FAM131B: variants seen among roughly 807,000 people sequenced by gnomAD.
FAM131B encodes family with sequence similarity 131 member B, also known as protein FAM131B.
A neutral mutation model predicts 42.0 loss-of-function variants in FAM131B; 19 were observed. That is an observed-to-expected ratio of 0.45 (90% CI 0.32 to 0.66). FAM131B has a LOEUF of 0.66. Ranked by LOEUF, FAM131B falls within the 30% of genes least tolerant of loss-of-function variation. The pLI, the probability that FAM131B is intolerant of heterozygous loss-of-function variation, is 0.05. For missense variants in FAM131B, 370 were observed against 468.4 expected (o/e 0.79, Z 1.94); for synonymous variants, 183 against 177.6 (o/e 1.03, Z -0.24).
At chr7:143,363,209 T>A (rs1197748489), upstream of FAM131B, among the ~76,000 whole-genome samples, 1 of 152,176 alleles carries the variant, frequency 6.6e-6, no homozygotes, top group Non-Finnish European at 1.5e-5. Context: ...TGGACACAGC[T>A]TTGGGCTCTG....
chr7:143,370,668 G>A, the FAM131B span, among the ~76,000 whole-genome samples: 96 of 152,170 alleles, frequency 6.3e-4, no homozygotes, highest in African/African-American at 2.2e-3. Flanking sequence ...TCTAAAATGG[G>A]GAGGTATGAA....
At chr7:143,371,528 T>C in the FAM131B span, among the ~76,000 whole-genome samples, 3 of 146,198 alleles carry the variant, frequency 2.1e-5, no homozygotes, top group Non-Finnish European at 3.0e-5. Flanking sequence ...ATGAGAGGAT[T>C]GCTTGGGCCT....
Position 143,362,688 on chromosome 7 carries a change from C to CGCG in FAM131B, c.-86_-85insCGC. 1 of 648,306 alleles carries CGCG rather than the reference C, an allele frequency of 1.5e-6. No homozygotes were observed. The highest frequency in any genetic ancestry group is 2.1e-6 in the Non-Finnish European group (1 of 476,004). The allele number at this position is 648,306 out of a possible 1,614,324, so 40.2% of individuals were successfully genotyped here. A position where few individuals can be genotyped will look rare whatever the true frequency, so the allele number is the denominator to read the frequency against. On this transcript the variant is annotated 5_prime_UTR_variant, in exon 1 of 7. Transcript: ENST00000443739. The surrounding 1 kb of genome is among the most constrained non-coding windows in gnomAD (Gnocchi z 7.7). ...CCGGGAGCCGCGCCGCCGCCCCAGC[C>CGCG]GCTCTGCAGCGCCGCGGCTGTCTCC...
chr7:143,362,634 C>G lies in FAM131B; in HGVS notation c.-31G>C. ...CGGGGGCCGCAGAGCCGGGCCCTCA[C>G]CGACTCGGGGCGCGCGCCGGGGGGA... On this transcript the variant is annotated 5_prime_UTR_variant, in exon 1 of 7. Coordinates refer to ENST00000443739, the MANE Select transcript of FAM131B (RefSeq NM_001031690.3). The surrounding 1 kb of genome is among the most constrained non-coding windows in gnomAD (Gnocchi z 7.7). 1 of 1,201,604 alleles carries G rather than the reference C, an allele frequency of 8.3e-7. No homozygotes were observed. Among genetic ancestry groups the G allele is most frequent in the African/African-American group, 1.6e-5 (1 of 63,170 alleles). The allele number at this position is 1,201,604 out of a possible 1,614,324, so 74.4% of individuals were successfully genotyped here. A position where few individuals can be genotyped will look rare whatever the true frequency, so the allele number is the denominator to read the frequency against.
the FAM131B span, among the ~76,000 whole-genome samples, chr7:143,378,398 C>T: frequency 6.6e-6 from 1 of 152,138 alleles, no homozygotes; most frequent in African/African-American, 2.4e-5. Context: ...AGGGCAGTGG[C>T]CATTTTCTCA....
rs1373347158 is a variant in FAM131B, at chr7:143,355,555, T to C, written c.*995A>G. ...GAGTGCCCAAGAAGTTATAAAAATG[T>C]AGAAAAGGCAAAGAGAAAAGTGTAA... On this transcript the variant is annotated 3_prime_UTR_variant, in exon 7 of 7. Coordinates refer to ENST00000443739, the MANE Select transcript of FAM131B (RefSeq NM_001031690.3). The surrounding 1 kb of genome is among the most constrained non-coding windows in gnomAD (Gnocchi z 4.1). 6.6e-6 allele frequency: 1 copy of C among 152,642 alleles called. No homozygotes were observed. The highest frequency in any genetic ancestry group is 1.5e-5 in the Non-Finnish European group (1 of 68,064). The allele number at this position is 152,642 out of a possible 1,614,324, so 9.5% of individuals were successfully genotyped here.
chr7:143,357,179 T>C, intron 6 of FAM131B, 101 bp downstream of exon 6: 2 of 1,321,354 alleles, frequency 1.5e-6, no homozygotes, highest in Admixed American at 3.6e-5. Flanking sequence ...AAAGCTGAGA[T>C]GGACAAGGAA....
chr7:143,357,782 C>T (rs1352104957), intron 5 of FAM131B, among the ~76,000 whole-genome samples: 1 of 152,132 alleles, frequency 6.6e-6, no homozygotes, highest in Non-Finnish European at 1.5e-5. Context: ...TTCAAGTTCT[C>T]AATAACCACA....
the FAM131B span, chr7:143,381,348 G>A: frequency 8.7e-7 from 1 of 1,150,046 alleles, no homozygotes; most frequent in Non-Finnish European, 1.1e-6. Flanking sequence ...CCGGGACGCA[G>A]AGTCTGCGGA....
Position 143,355,336 on chromosome 7 carries a change from C to A in FAM131B, c.*1214G>T, listed in dbSNP as rs529953412. Reference sequence around the variant, plus strand: ...ATACACCATCCTGGAAGGAAGAATCCGCTGATTTTCCTCTCTTCCTCTGGT... The same window carrying A: ...ATACACCATCCTGGAAGGAAGAATCAGCTGATTTTCCTCTCTTCCTCTGGT... On this transcript the variant is annotated 3_prime_UTR_variant, in exon 7 of 7. Coordinates refer to ENST00000443739, the MANE Select transcript of FAM131B (RefSeq NM_001031690.3). This position sits in a 1 kb window ranked among gnomAD's most constrained non-coding sequence, Gnocchi z 4.1. 1 of 152,276 alleles carries A rather than the reference C, an allele frequency of 6.6e-6. No individual in the cohort carries two copies. Among genetic ancestry groups the A allele is most frequent in the East Asian group, 1.9e-4 (1 of 5,188 alleles). The allele number at this position is 152,276 out of a possible 1,614,324, so 9.4% of individuals were successfully genotyped here.
At chr7:143,381,152 C>G in the FAM131B span, 1 of 978,092 alleles carries the variant, frequency 1.0e-6, no homozygotes, top group Non-Finnish European at 1.2e-6. Context: ...GAGCCTCCGG[C>G]CTGAGGCAGG....
the FAM131B span, chr7:143,382,263 C>T: frequency 6.2e-7 from 1 of 1,612,694 alleles, no homozygotes; most frequent in African/African-American, 1.3e-5. Context: ...CCCCTGCCTC[C>T]ACCTCCCCTT....
At chr7:143,373,610 C>A in the FAM131B span, among the ~76,000 whole-genome samples, 1 of 151,978 alleles carries the variant, frequency 6.6e-6, no homozygotes, top group African/African-American at 2.4e-5. Context: ...CAGGGATGAT[C>A]CAGGTTAGAA....
In FAM131B at chr7:143,359,721, G is replaced by A; in HGVS notation, c.174+11C>T. The A allele has an allele frequency of 6.4e-7, 1 of 1,568,718 alleles. No individual in the cohort carries two copies. Among genetic ancestry groups the A allele is most frequent in the Non-Finnish European group, 8.7e-7 (1 of 1,155,846 alleles). On this transcript the variant is annotated intron_variant, in intron 3 of 6. Transcript: ENST00000443739. The surrounding 1 kb of genome is among the most constrained non-coding windows in gnomAD (Gnocchi z 5.4). ...GGGAGGATGGGGAGGTCTGGGGGCAGCTGCACTCACGTTGATGCCGTCCCA... is the reference window on the plus strand; with the variant it reads ...GGGAGGATGGGGAGGTCTGGGGGCAACTGCACTCACGTTGATGCCGTCCCA...
chr7:143,358,857 C>G lies in FAM131B; in HGVS notation c.436G>C (p.Asp146His). 1 of 1,614,132 alleles carries G rather than the reference C, an allele frequency of 6.2e-7. No individual in the cohort carries two copies. The highest frequency in any genetic ancestry group is 8.5e-7 in the Non-Finnish European group (1 of 1,180,018). The change falls in exon 5 of 7, where the codon GAT becomes CAT. Residue 146 changes from aspartate (D) to histidine (H), a missense_variant. Transcript: ENST00000443739. The surrounding 1 kb of genome is among the most constrained non-coding windows in gnomAD (Gnocchi z 4.7). ...RDTDAYSDLSDGEKEARFLAG... is the reference protein window; with the variant it reads ...RDTDAYSDLSHGEKEARFLAG... ...AGAAAACGTGCCTCCTTCTCGCCAT[C>G]GCTGAGGTCGGAGTAGGCATCCGTA...
chr7:143,359,972 G>C lies in FAM131B; in HGVS notation c.138+68C>G. ...GAAGTGTCAGTCTGAAGGAGTGTTT[G>C]GGTTGTTGCCTTGGAATTGAGGAAG... On this transcript the variant is annotated intron_variant, in intron 2 of 6. Transcript: ENST00000443739. The surrounding 1 kb of genome is among the most constrained non-coding windows in gnomAD (Gnocchi z 5.4). The C allele has an allele frequency of 8.3e-7, 1 of 1,207,968 alleles. No individual in the cohort carries two copies. Among genetic ancestry groups the C allele is most frequent in the South Asian group, 1.3e-5 (1 of 79,866 alleles). 74.8% of individuals were successfully genotyped at this position (1,207,968 alleles called of 1,614,324 possible). A position where few individuals can be genotyped will look rare whatever the true frequency, so the allele number is the denominator to read the frequency against.
chr7:143,365,879 G>T (rs1263481067), upstream of FAM131B, among the ~76,000 whole-genome samples: 2 of 152,128 alleles, frequency 1.3e-5, no homozygotes, highest in African/African-American at 4.8e-5. Flanking sequence ...AAAAGGTTAG[G>T]ATTACAGGCG....
At chr7:143,381,107 G>C in the FAM131B span, 1 of 727,276 alleles carries the variant, frequency 1.4e-6, no homozygotes, top group African/African-American at 1.9e-5. Flanking sequence ...GGCGGGGGCG[G>C]CAGTGAGTGG....
chr7:143,376,775 C>A, the FAM131B span, among the ~76,000 whole-genome samples: 22 of 152,314 alleles, frequency 1.4e-4, no homozygotes, highest in African/African-American at 5.3e-4. Flanking sequence ...AAGCTGCAGG[C>A]CGAGTGCACA....
Sources: gnomAD v4.1 joint callset for allele counts (sites outside exome capture counted in the v4.1 genomes callset) on GRCh38, gnomAD v4.1.1 for gene constraint, Gnocchi (gnomAD v3.1) non-coding constraint, MANE v1.5 for transcripts, NCBI Gene and HGNC (gene_info 2026-07-23, HGNC 2026-07-21) for gene names.